Variants in FHIT observed in about 807,000 individuals in gnomAD.
FHIT encodes fragile histidine triad diadenosine triphosphatase, also known as bis(5'-adenosyl)-triphosphatase.
A neutral mutation model predicts 17.9 loss-of-function variants in FHIT; 19 were observed. The ratio of observed to expected loss-of-function variants is 1.06; its 90% confidence interval spans 0.74 to 1.56. The LOEUF (loss-of-function observed/expected upper bound fraction) is 1.56. Ranked by LOEUF, FHIT falls within the 40% of genes most tolerant of loss-of-function variation. The probability of loss-of-function intolerance (pLI) is 0.00; values close to 1 mark genes in which losing one functional copy is unlikely to be tolerated. For missense variants in FHIT, 248 were observed against 189.2 expected, an observed-to-expected ratio of 1.31 and a Z score of -1.82; for synonymous variants, 81 against 69.7, an observed-to-expected ratio of 1.16 and a Z score of -0.81.
chr3:60,056,436 T>C (rs1325502084), intron 5 of FHIT, among the ~76,000 whole-genome samples: 1 of 152,254 alleles, frequency 6.6e-6, no homozygotes, highest in Non-Finnish European at 1.5e-5. Context: ...CCGATTCTAT[T>C]GTTTGCAGTA....
intron 5 of FHIT, among the ~76,000 whole-genome samples, chr3:60,487,834 G>A (rs184998696): frequency 4.5e-4 from 69 of 152,158 alleles, no homozygotes; most frequent in Admixed American, 1.3e-3. Context: ...TCCTAATTCC[G>A]TCTATCCTAT....
chr3:60,486,355 T>G (rs1257811019), intron 5 of FHIT, among the ~76,000 whole-genome samples: 1 of 152,130 alleles, frequency 6.6e-6, no homozygotes, highest in Non-Finnish European at 1.5e-5. Flanking sequence ...TATCTAGTCA[T>G]AAAATAGAGG....
intron 4 of FHIT, among the ~76,000 whole-genome samples, chr3:60,660,370 A>G (rs1553690741): frequency 6.6e-6 from 1 of 151,954 alleles, no homozygotes; most frequent in Admixed American, 6.6e-5. Context: ...TGTGCAGGCT[A>G]CTCCTGGAAT....
chr3:61,004,399 A>C (rs548688157), intron 3 of FHIT, among the ~76,000 whole-genome samples: 1 of 152,194 alleles, frequency 6.6e-6, no homozygotes, highest in East Asian at 1.9e-4. Flanking sequence ...CAGATGGCCC[A>C]CTGAAATTAG....
intron 8 of FHIT, among the ~76,000 whole-genome samples, chr3:59,913,526 C>T (rs1193326105): frequency 6.6e-6 from 1 of 152,028 alleles, no homozygotes; most frequent in African/African-American, 2.4e-5. Context: ...AGCAGACAGT[C>T]CAGCCCAATG....
chr3:60,297,316 A>G (rs1161295760), intron 5 of FHIT, among the ~76,000 whole-genome samples: 1 of 152,118 alleles, frequency 6.6e-6, no homozygotes, highest in Non-Finnish European at 1.5e-5. Context: ...GCTTTCTCTC[A>G]TCAGCATTCT....
At chr3:60,796,006 G>A (rs907380570) in intron 4 of FHIT, among the ~76,000 whole-genome samples, 7 of 152,156 alleles carry the variant, frequency 4.6e-5, no homozygotes, top group African/African-American at 1.4e-4. Context: ...CATGGCGGGA[G>A]GTGAAAGGCA....
chr3:60,540,638 G>A (rs570962391), intron 4 of FHIT, among the ~76,000 whole-genome samples: 1 of 152,296 alleles, frequency 6.6e-6, no homozygotes, highest in Admixed American at 6.5e-5. Flanking sequence ...TGTGAAAGCA[G>A]AAGAAAAACA....
At chr3:60,189,842 T>C (rs1036617709) in intron 5 of FHIT, among the ~76,000 whole-genome samples, 2 of 152,200 alleles carry the variant, frequency 1.3e-5, no homozygotes, top group Non-Finnish European at 2.9e-5. Context: ...TCTTCGGAGT[T>C]GGTTGGTTAG....
At chr3:60,495,475 C>A (rs2034263362) in intron 5 of FHIT, among the ~76,000 whole-genome samples, 1 of 151,836 alleles carries the variant, frequency 6.6e-6, no homozygotes, top group East Asian at 1.9e-4. Flanking sequence ...AGTTTTTACT[C>A]CCAGATTTTT....
At chr3:61,139,013 T>C (rs545722102) in intron 2 of FHIT, among the ~76,000 whole-genome samples, 2 of 150,882 alleles carry the variant, frequency 1.3e-5, no homozygotes, top group African/African-American at 2.4e-5. Context: ...AAGCCCCGTA[T>C]GCAACTCTAT....
At chr3:61,210,494 C>A (rs1026088223) in intron 1 of FHIT, among the ~76,000 whole-genome samples, 1 of 152,234 alleles carries the variant, frequency 6.6e-6, no homozygotes. Flanking sequence ...CCTACTCAAG[C>A]CTTGGCAATG....
intron 3 of FHIT, among the ~76,000 whole-genome samples, chr3:60,888,845 T>A (rs1284133580): frequency 6.6e-6 from 1 of 152,192 alleles, no homozygotes; most frequent in African/African-American, 2.4e-5. Context: ...TAGACAGATC[T>A]TTTGTATCCA....
chr3:59,750,460 C>T lies in FHIT; in HGVS notation c.*6-881G>A, dbSNP rs1049897814. The T allele has an allele frequency of 9.4e-5, 21 of 223,980 alleles. No individual in the cohort carries two copies. The Admixed American group carries it at 1.2e-3, about 13-fold the overall frequency. The allele number at this position is 223,980 out of a possible 1,614,324, so 13.9% of individuals were successfully genotyped here. The stretch of plus-strand genomic sequence containing the variant: ...AACAGAAAGAGGTTTGTAGTCATGC[C>T]CATAGGCCTATGTTCTTAGGTAAAC... On this transcript the variant is annotated intron_variant, in intron 9 of 9. Coordinates refer to ENST00000492590, the MANE Select transcript of FHIT (RefSeq NM_002012.4).
At chr3:60,833,221 C>T (rs916924257) in intron 3 of FHIT, among the ~76,000 whole-genome samples, 2 of 152,156 alleles carry the variant, frequency 1.3e-5, no homozygotes, top group Non-Finnish European at 2.9e-5. Flanking sequence ...ATGGTGACTC[C>T]AATCACGAGC....
At chr3:60,569,947 T>A (rs948271024) in intron 4 of FHIT, among the ~76,000 whole-genome samples, 11 of 151,784 alleles carry the variant, frequency 7.2e-5, no homozygotes, top group Middle Eastern at 3.4e-3. Context: ...AATGATACAA[T>A]TCAATGGTTT....
intron 8 of FHIT, among the ~76,000 whole-genome samples, chr3:59,762,259 G>T (rs1701557062): frequency 6.6e-6 from 1 of 152,172 alleles, no homozygotes; most frequent in South Asian, 2.1e-4. Context: ...TTTATTTCTA[G>T]AATTTTTCAT....
intron 4 of FHIT, among the ~76,000 whole-genome samples, chr3:60,694,834 T>C (rs2041078345): frequency 1.3e-5 from 2 of 151,970 alleles, no homozygotes; most frequent in African/African-American, 4.8e-5. Context: ...AAACACCACA[T>C]GTTCTCACTC....
At chr3:59,878,838 A>C (rs902823788) in intron 8 of FHIT, among the ~76,000 whole-genome samples, 2 of 152,198 alleles carry the variant, frequency 1.3e-5, no homozygotes, top group African/African-American at 2.4e-5. Context: ...GGAAACACCC[A>C]AACCCCATCC....
Sources: allele counts gnomAD v4.1 joint callset (sites outside exome capture counted in the v4.1 genomes callset), GRCh38; gene constraint gnomAD v4.1.1; transcripts MANE v1.5; gene names NCBI Gene and HGNC (gene_info 2026-07-23, HGNC 2026-07-21).